Variants in SPIDR observed in about 807,000 individuals in gnomAD.
The protein encoded by SPIDR is scaffold protein involved in DNA repair.
SPIDR carries 93 observed loss-of-function variants against 104.6 expected under a neutral mutation model. The ratio of observed to expected loss-of-function variants is 0.89; its 90% CI spans 0.75 to 1.06. The LOEUF (loss-of-function observed/expected upper bound fraction) is 1.06. Among genes scored for constraint, SPIDR ranks in the 50% least tolerant of loss-of-function variants. SPIDR has a pLI of 0.00. For missense variants in SPIDR, 1,154 were observed against 1,111.2 expected (o/e 1.04, Z -0.55); for synonymous variants, 431 against 416.9 (o/e 1.03, Z -0.41).
At chr8:47,261,447 G>T (rs1441338901) in intron 1 of SPIDR, among the ~76,000 whole-genome samples, 1 of 152,212 alleles carries the variant, frequency 6.6e-6, no homozygotes, top group Non-Finnish European at 1.5e-5. Flanking sequence ...TGCCCAATCC[G>T]TGGGCACCGC....
chr8:47,302,356 TC>T (rs1406303125), intron 5 of SPIDR, among the ~76,000 whole-genome samples: 71,374 of 151,352 alleles, frequency 0.47, 20,487 homozygotes, highest in African/African-American at 0.82. Context: ...CTCGTTTTTT[TC>T]CAAGATTTTT....
chr8:47,347,947 A>G (rs540157962), intron 5 of SPIDR, among the ~76,000 whole-genome samples: 1 of 152,168 alleles, frequency 6.6e-6, no homozygotes, highest in Non-Finnish European at 1.5e-5. Context: ...GCCCATTTAC[A>G]TTTAAATTTA....
chr8:47,408,964 G>C (rs993817814), intron 7 of SPIDR, among the ~76,000 whole-genome samples: 1 of 152,126 alleles, frequency 6.6e-6, no homozygotes, highest in Non-Finnish European at 1.5e-5. Context: ...GAGGCGGGCA[G>C]ATCATGAGGT....
chr8:47,399,951 C>T (rs984850874), intron 6 of SPIDR, among the ~76,000 whole-genome samples: 1 of 152,160 alleles, frequency 6.6e-6, no homozygotes, highest in African/African-American at 2.4e-5. Context: ...CAGTTCGGGA[C>T]TTCAAGATTA....
Position 47,713,601 on chromosome 8 carries a change from G to A in SPIDR, c.2301G>A (p.Leu767=). The part of the protein sequence containing the change: ...ELPGPVMLDS[L]DSATPVNSIC... ...CTGGCCCGGTGATGCTCGACAGCCTGGACTCTGCAACACCTGTCAACTCCA... is the reference window on the plus strand; with the variant it reads ...CTGGCCCGGTGATGCTCGACAGCCTAGACTCTGCAACACCTGTCAACTCCA... Residue 767 remains leucine (L), a synonymous_variant, in exon 16 of 20, where the codon CTG becomes CTA. Transcript: ENST00000297423. 6.2e-7 allele frequency: 1 copy of A among 1,614,110 alleles called. No individual in the cohort carries two copies.
At chr8:47,645,999 A>G (rs1235009055) in intron 10 of SPIDR, among the ~76,000 whole-genome samples, 2 of 152,206 alleles carry the variant, frequency 1.3e-5, no homozygotes, top group African/African-American at 4.8e-5. Flanking sequence ...TTAAGCCTAC[A>G]TGACAAAATT....
chr8:47,408,217 T>C (rs1563882777), intron 7 of SPIDR, among the ~76,000 whole-genome samples: 2 of 152,294 alleles, frequency 1.3e-5, no homozygotes, highest in Admixed American at 6.5e-5. Flanking sequence ...CCAAAAATTT[T>C]GTTCTATTCT....
intron 5 of SPIDR, among the ~76,000 whole-genome samples, chr8:47,351,873 A>T (rs1187083184): frequency 2.0e-5 from 3 of 152,214 alleles, no homozygotes; most frequent in African/African-American, 7.2e-5. Flanking sequence ...TTTTCTTGTC[A>T]TCGGAGTGAG....
intron 5 of SPIDR, chr8:47,330,755 C>T (rs1554603957): frequency 2.2e-6 from 1 of 456,064 alleles, no homozygotes; most frequent in Admixed American, 2.3e-5. Context: ...ATTCATCTAC[C>T]AAGAGACATC....
At chr8:47,429,922 T>G (rs144293099) in intron 7 of SPIDR, among the ~76,000 whole-genome samples, 4,533 of 152,262 alleles carry the variant, frequency 0.03, 128 homozygotes, top group Middle Eastern at 0.085. Context: ...CTGCACCCAT[T>G]AACTCGTCAT....
intron 5 of SPIDR, chr8:47,357,975 C>T: frequency 2.0e-6 from 1 of 495,780 alleles, no homozygotes; most frequent in Non-Finnish European, 2.6e-6. Context: ...TTCACTCTGG[C>T]AGTCTTTCCT....
chr8:47,298,474 A>G (rs2041347402), intron 5 of SPIDR, among the ~76,000 whole-genome samples: 1 of 152,104 alleles, frequency 6.6e-6, no homozygotes, highest in African/African-American at 2.4e-5. Context: ...GGCGTTTGTC[A>G]ATTTTGGCTT....
At chr8:47,380,706 CT>C (rs1397602309) in intron 5 of SPIDR, among the ~76,000 whole-genome samples, 1 of 152,138 alleles carries the variant, frequency 6.6e-6, no homozygotes, top group Non-Finnish European at 1.5e-5. Flanking sequence ...AAACATGTAT[CT>C]AGTTTAAGGA....
In SPIDR at chr8:47,575,646, CA is replaced by C. The variant is rs1173651690; in HGVS notation, c.1098-20148del. 4.5e-3 allele frequency among the ~76,000 whole-genome samples: 205 copies of C among 45,160 alleles called. 2 individuals are homozygous for C. The South Asian group carries it at 0.058, about 13-fold the overall frequency. 29.6% of individuals were successfully genotyped at this position (45,160 alleles called of 152,430 possible). On this transcript the variant is annotated intron_variant, in intron 8 of 19. Coordinates refer to ENST00000297423, the MANE Select transcript of SPIDR (RefSeq NM_001080394.4). The stretch of plus-strand genomic sequence containing the variant: ...TGGGCGACAGAGAGAGACTCCGTCT[CA>C]AAAAAAAAAAAAAAAAGAAAGAAAA...
At chr8:47,301,352 T>C (rs1266997908) in intron 5 of SPIDR, among the ~76,000 whole-genome samples, 1 of 152,212 alleles carries the variant, frequency 6.6e-6, no homozygotes, top group African/African-American at 2.4e-5. Flanking sequence ...GCACGTGAGA[T>C]GGGTTTCCTG....
At chr8:47,321,323 A>G (rs1321443932) in intron 5 of SPIDR, among the ~76,000 whole-genome samples, 2 of 152,216 alleles carry the variant, frequency 1.3e-5, no homozygotes, top group African/African-American at 4.8e-5. Flanking sequence ...GAGCCAAATT[A>G]TGAGTGAACT....
chr8:47,478,902 G>A (rs1737900897), intron 8 of SPIDR, among the ~76,000 whole-genome samples: 1 of 152,148 alleles, frequency 6.6e-6, no homozygotes, highest in African/African-American at 2.4e-5. Flanking sequence ...TGGAAGCCGT[G>A]TTTAATTAGC....
intron 10 of SPIDR, among the ~76,000 whole-genome samples, chr8:47,651,043 A>C (rs1292500826): frequency 1.3e-5 from 2 of 152,150 alleles, no homozygotes; most frequent in Non-Finnish European, 2.9e-5. Flanking sequence ...TCCCCTAAGC[A>C]AAAAATTCAT....
intron 10 of SPIDR, among the ~76,000 whole-genome samples, chr8:47,620,323 G>A (rs2064962245): frequency 1.3e-5 from 2 of 149,426 alleles, no homozygotes; most frequent in South Asian, 4.2e-4. Flanking sequence ...CACCGAGGCT[G>A]GAGTGCAGTG....
Sources: gnomAD v4.1 joint callset for allele counts (sites outside exome capture counted in the v4.1 genomes callset) on GRCh38, gnomAD v4.1.1 for gene constraint, MANE v1.5 for transcripts, NCBI Gene and HGNC (gene_info 2026-07-23, HGNC 2026-07-21) for gene names.